Variants in CSMD1 observed in about 807,000 individuals in gnomAD.
CSMD1 encodes CUB and sushi domain-containing protein 1.
CSMD1 carries 213 observed loss-of-function variants against 417.5 expected under a neutral mutation model. The ratio of observed to expected loss-of-function variants is 0.51; its 90% confidence interval spans 0.46 to 0.57. The LOEUF (loss-of-function observed/expected upper bound fraction) is 0.57. CSMD1 is among the 20% of genes least tolerant of loss of function. The pLI is 0.00. For missense variants in CSMD1, 6,923 were observed against 4,529.7 expected, an observed-to-expected ratio of 1.53 and a Z score of -15.17; for synonymous variants, 2,862 against 1,736.8, an observed-to-expected ratio of 1.65 and a Z score of -16.11.
At chr8:3,943,132 C>G (rs1035613442) in intron 5 of CSMD1, among the ~76,000 whole-genome samples, 1 of 152,028 alleles carries the variant, frequency 6.6e-6, no homozygotes, top group African/African-American at 2.4e-5. Flanking sequence ...ATTAAACAAG[C>G]TGAATGCATT....
chr8:3,383,788 G>A (rs756085807), intron 18 of CSMD1, among the ~76,000 whole-genome samples: 1 of 152,064 alleles, frequency 6.6e-6, no homozygotes, highest in Non-Finnish European at 1.5e-5. Flanking sequence ...ATACATCAAT[G>A]TCCAATAAAT....
intron 37 of CSMD1, among the ~76,000 whole-genome samples, chr8:3,170,298 C>A (rs1043615592): frequency 6.6e-6 from 1 of 152,184 alleles, no homozygotes; most frequent in Admixed American, 6.5e-5. Flanking sequence ...AGCTCCGCCT[C>A]CCGGGTTCAC....
chr8:4,374,352 T>C (rs1005464511), intron 3 of CSMD1, among the ~76,000 whole-genome samples: 1 of 152,190 alleles, frequency 6.6e-6, no homozygotes, highest in Non-Finnish European at 1.5e-5. Flanking sequence ...TTTCAGAATC[T>C]GATTATAGGT....
chr8:4,253,353 T>G (rs954929713), intron 3 of CSMD1, among the ~76,000 whole-genome samples: 30 of 151,642 alleles, frequency 2.0e-4, no homozygotes, highest in African/African-American at 7.0e-4. Flanking sequence ...CACTGTATAT[T>G]ATAATTACGC....
At position 3,230,149 on chromosome 8, in the gene CSMD1, GGT is replaced by G; in HGVS notation, c.4234_4235del (p.Thr1412ArgfsTer6). Reference protein sequence around the residue: ...RYGDSREAGDTVTFQCDPGYQ... With the variant: ...RYGDSREAGDXVTFQCDPGYQ... Reference sequence around the variant, plus strand: ...AGCCAGGGTCACACTGGAATGTGACGGTGTCTCCAGCCTCTCTGCTGTCTCCA... The same window carrying G: ...AGCCAGGGTCACACTGGAATGTGACGGTCTCCAGCCTCTCTGCTGTCTCCA... On this transcript the variant is annotated frameshift_variant, in exon 27 of 70. Transcript: ENST00000635120. LOFTEE classifies it high-confidence loss of function. The G allele has an allele frequency of 6.2e-7, 1 of 1,613,486 alleles. No individual in the cohort carries two copies. Among genetic ancestry groups the G allele is most frequent in the Non-Finnish European group, 8.5e-7 (1 of 1,179,646 alleles).
intron 3 of CSMD1, among the ~76,000 whole-genome samples, chr8:4,133,714 C>T (rs928685767): frequency 5.0e-3 from 5 of 1,002 alleles, no homozygotes; most frequent in African/African-American, 6.4e-3. Flanking sequence ...AAAGTGTAAT[C>T]TCAAGACTGT....
At chr8:4,411,815 A>G (rs935853909) in intron 3 of CSMD1, among the ~76,000 whole-genome samples, 1 of 152,210 alleles carries the variant, frequency 6.6e-6, no homozygotes, top group African/African-American at 2.4e-5. Context: ...TCACATAGCT[A>G]TGCAAATACT....
Position 3,406,115 on chromosome 8 carries a change from G to A in CSMD1, c.2178C>T (p.Gly726=). The change falls in exon 15 of 70, where the codon GGC becomes GGT. Residue 726 remains glycine, a synonymous_variant. Transcript: ENST00000635120. ...GSSVSFHCDD[G]FVKTQGSESI... ...ACTCGGATCCCTGGGTCTTGACAAA[G>A]CCATCATCACAGTGGAAAGAAACCG... The A allele has an allele frequency of 6.2e-7, 1 of 1,613,954 alleles. No homozygotes were observed. The highest frequency in any genetic ancestry group is 8.5e-7 in the Non-Finnish European group (1 of 1,179,892).
rs188721807 is a variant in CSMD1 at position 4,145,580 on chromosome 8, G to C, written c.416-113481C>G. ...TTGTTATTATTTTTTGTGGAGAGAC[G>C]GTCTCACCATGTTGCATGGGCTAGT... is the stretch of plus-strand genomic sequence containing the variant. On this transcript the variant is annotated intron_variant, in intron 3 of 69. Transcript: ENST00000635120. Among the ~76,000 whole-genome samples the C allele has an allele frequency of 4.6e-5, 7 of 150,944 alleles. No homozygotes were observed. In the East Asian group the frequency reaches 1.4e-3, roughly 29 times the overall value.
At chr8:4,842,044 C>G (rs150622347) in intron 1 of CSMD1, among the ~76,000 whole-genome samples, 1 of 151,144 alleles carries the variant, frequency 6.6e-6, no homozygotes, top group East Asian at 2.0e-4. Context: ...GAGAGAGATG[C>G]TTTTCAATCA....
At chr8:4,774,880 A>T (rs1191644647) in intron 1 of CSMD1, among the ~76,000 whole-genome samples, 1 of 152,092 alleles carries the variant, frequency 6.6e-6, no homozygotes, top group East Asian at 1.9e-4. Flanking sequence ...CCATGACTGA[A>T]AGTTACCTGA....
intron 1 of CSMD1, among the ~76,000 whole-genome samples, chr8:4,747,499 C>T (rs919085125): frequency 1.3e-5 from 2 of 152,108 alleles, no homozygotes; most frequent in Admixed American, 6.5e-5. Context: ...AGTAGAGAAA[C>T]ATTTTAAAAC....
chr8:4,205,104 C>T (rs911319692), intron 3 of CSMD1, among the ~76,000 whole-genome samples: 1 of 152,034 alleles, frequency 6.6e-6, no homozygotes, highest in Non-Finnish European at 1.5e-5. Context: ...TAAAAAGAAA[C>T]ATGATTTAAC....
At chr8:4,585,962 G>C (rs746399027) in intron 2 of CSMD1, among the ~76,000 whole-genome samples, 2 of 152,112 alleles carry the variant, frequency 1.3e-5, no homozygotes, top group African/African-American at 4.8e-5. Context: ...TAATATATTA[G>C]CAAAATAATT....
At chr8:3,010,844 C>A (rs1017576621) in intron 52 of CSMD1, among the ~76,000 whole-genome samples, 1 of 151,358 alleles carries the variant, frequency 6.6e-6, no homozygotes, top group Non-Finnish European at 1.5e-5. Context: ...CCCGGGTTCA[C>A]GCGATTCTCC....
At chr8:4,825,584 G>C (rs1360260718) in intron 1 of CSMD1, among the ~76,000 whole-genome samples, 1 of 107,168 alleles carries the variant, frequency 9.3e-6, no homozygotes, top group East Asian at 2.1e-4. Flanking sequence ...ATACAAGTGG[G>C]ATCAAAAAGC....
intron 5 of CSMD1, among the ~76,000 whole-genome samples, chr8:3,952,187 G>A (rs760341729): frequency 3.3e-5 from 5 of 152,140 alleles, no homozygotes; most frequent in Non-Finnish European, 7.4e-5. Flanking sequence ...ACTGTTCATG[G>A]TGTCTCCGAG....
intron 2 of CSMD1, among the ~76,000 whole-genome samples, chr8:4,629,436 C>T (rs959722618): frequency 6.6e-6 from 1 of 152,114 alleles, no homozygotes; most frequent in Non-Finnish European, 1.5e-5. Flanking sequence ...GGACTCCTTA[C>T]GTATATTTTA....
chr8:4,820,777 T>G (rs1799479429), intron 1 of CSMD1, among the ~76,000 whole-genome samples: 1 of 152,190 alleles, frequency 6.6e-6, no homozygotes, highest in South Asian at 2.1e-4. Flanking sequence ...TTTTCCCACC[T>G]TATTAATATG....
Sources: gnomAD v4.1 joint callset for allele counts (sites outside exome capture counted in the v4.1 genomes callset) on GRCh38, gnomAD v4.1.1 for gene constraint, MANE v1.5 for transcripts, NCBI Gene and HGNC (gene_info 2026-07-23, HGNC 2026-07-21) for gene names.